The following ADAMTSL1 variants were observed in gnomAD, a reference collection of about 807,000 sequenced individuals.
The protein encoded by ADAMTSL1 is ADAMTS like 1.
A neutral mutation model predicts 201.8 loss-of-function variants in ADAMTSL1; 126 were observed. That is an observed-to-expected ratio of 0.62 (90% CI 0.54 to 0.72). The LOEUF (loss-of-function observed/expected upper bound fraction) is 0.72. ADAMTSL1 is among the 30% of genes least tolerant of loss of function. The probability of loss-of-function intolerance (pLI) is 0.00; values close to 1 mark genes in which losing one functional copy is unlikely to be tolerated. For synonymous variants in ADAMTSL1, 1,121 were observed against 903.4 expected (o/e 1.24, Z -4.32); for missense variants, 2,679 against 2,277.8 (o/e 1.18, Z -3.59).
At chr9:18,171,928 A>G (rs1034940000) in intron 2 of ADAMTSL1, among the ~76,000 whole-genome samples, 1 of 152,066 alleles carries the variant, frequency 6.6e-6, no homozygotes, top group South Asian at 2.1e-4. Flanking sequence ...ACCATTTATT[A>G]AATAGGGAAT....
At chr9:18,536,990 A>G (rs1366965550) in intron 3 of ADAMTSL1, among the ~76,000 whole-genome samples, 1 of 152,182 alleles carries the variant, frequency 6.6e-6, no homozygotes, top group Non-Finnish European at 1.5e-5. Context: ...GACCATAATT[A>G]GCAACATAAT....
chr9:18,460,321 C>T (rs565644245), intron 2 of ADAMTSL1, among the ~76,000 whole-genome samples: 53 of 152,274 alleles, frequency 3.5e-4, no homozygotes, highest in African/African-American at 1.2e-3. Flanking sequence ...CCCAACTCCA[C>T]GGCGAAATCC....
chr9:18,383,651 G>A (rs1432605201), intron 2 of ADAMTSL1, among the ~76,000 whole-genome samples: 1 of 152,150 alleles, frequency 6.6e-6, no homozygotes, highest in African/African-American at 2.4e-5. Flanking sequence ...TTGGACTAAG[G>A]TTAGATCCTG....
At chr9:18,696,550 G>A (rs968841064) in intron 13 of ADAMTSL1, among the ~76,000 whole-genome samples, 3 of 152,170 alleles carry the variant, frequency 2.0e-5, no homozygotes, top group Non-Finnish European at 4.4e-5. Context: ...AGGTCAGTAA[G>A]GAGTGACAGA....
At chr9:18,616,671 C>G (rs1242949615) in intron 4 of ADAMTSL1, among the ~76,000 whole-genome samples, 1 of 151,952 alleles carries the variant, frequency 6.6e-6, no homozygotes, top group Non-Finnish European at 1.5e-5. Flanking sequence ...CAGATGTGAC[C>G]TCCCCCCACC....
At chr9:18,473,275 G>C (rs192583812), upstream of ADAMTSL1, among the ~76,000 whole-genome samples, 1 of 152,108 alleles carries the variant, frequency 6.6e-6, no homozygotes, top group African/African-American at 2.4e-5. Flanking sequence ...TTTCTCTCCC[G>C]TGGCTAAAAT....
chr9:18,043,257 G>C (rs1344147770), intron 1 of ADAMTSL1, among the ~76,000 whole-genome samples: 2 of 152,090 alleles, frequency 1.3e-5, no homozygotes, highest in African/African-American at 4.8e-5. Flanking sequence ...CATCAGCCAG[G>C]ATTAGGAACT....
chr9:18,624,887 A>AC (rs1474047992), intron 5 of ADAMTSL1, among the ~76,000 whole-genome samples: 1 of 152,206 alleles, frequency 6.6e-6, no homozygotes, highest in African/African-American at 2.4e-5. Context: ...TACTGACAAA[A>AC]TGGAATTGAT....
At chr9:18,808,392 T>C (rs1175320885) in intron 20 of ADAMTSL1, among the ~76,000 whole-genome samples, 1 of 152,218 alleles carries the variant, frequency 6.6e-6, no homozygotes, top group Non-Finnish European at 1.5e-5. Flanking sequence ...GTGCTTTGTC[T>C]TAACAATGGA....
intron 1 of ADAMTSL1, among the ~76,000 whole-genome samples, chr9:18,143,066 T>G (rs893420440): frequency 6.6e-6 from 1 of 152,186 alleles, no homozygotes; most frequent in Non-Finnish European, 1.5e-5. Context: ...TTCACTCCAA[T>G]GCTAACAGGG....
At chr9:17,923,641 G>A (rs1240405599) in intron 1 of ADAMTSL1, among the ~76,000 whole-genome samples, 2 of 103,212 alleles carry the variant, frequency 1.9e-5, no homozygotes, top group African/African-American at 7.3e-5. Context: ...AATTGCCCTG[G>A]CCAGAACTTC....
intron 2 of ADAMTSL1, among the ~76,000 whole-genome samples, chr9:18,515,327 G>T (rs1053168513): frequency 6.6e-6 from 1 of 152,098 alleles, no homozygotes; most frequent in Non-Finnish European, 1.5e-5. Flanking sequence ...AAGAAAAGAA[G>T]AATTTTTGTT....
intron 3 of ADAMTSL1, among the ~76,000 whole-genome samples, chr9:18,545,261 G>C (rs959843663): frequency 6.6e-6 from 1 of 152,084 alleles, no homozygotes; most frequent in African/African-American, 2.4e-5. Context: ...AAGGAAATTG[G>C]AACATTTAAA....
At chr9:18,281,744 CT>C (rs1312957314) in intron 2 of ADAMTSL1, among the ~76,000 whole-genome samples, 1 of 152,058 alleles carries the variant, frequency 6.6e-6, no homozygotes, top group African/African-American at 2.4e-5. Context: ...TAATATTTAA[CT>C]TTTTCTCCAC....
chr9:18,558,188 T>C (rs1821225104), intron 3 of ADAMTSL1, among the ~76,000 whole-genome samples: 1 of 152,124 alleles, frequency 6.6e-6, no homozygotes, highest in Non-Finnish European at 1.5e-5. Flanking sequence ...GGCCCCAGTG[T>C]GTGACGTTCC....
At chr9:18,726,553 AC>A (rs1192312111) in intron 15 of ADAMTSL1, among the ~76,000 whole-genome samples, 6 of 152,036 alleles carry the variant, frequency 3.9e-5, no homozygotes, top group African/African-American at 1.5e-4. Context: ...TCCCTGGTTT[AC>A]AATAGCAATG....
chr9:18,858,263 C>G (rs891171848), intron 23 of ADAMTSL1, among the ~76,000 whole-genome samples: 1 of 152,138 alleles, frequency 6.6e-6, no homozygotes, highest in Non-Finnish European at 1.5e-5. Context: ...ATCAAGCCCT[C>G]CATATAAACA....
At chr9:18,284,318 C>T (rs1251035706) in intron 2 of ADAMTSL1, among the ~76,000 whole-genome samples, 3 of 151,978 alleles carry the variant, frequency 2.0e-5, no homozygotes, top group Admixed American at 1.3e-4. Flanking sequence ...TTATTTTCCC[C>T]CTTTCTATTC....
intron 20 of ADAMTSL1, among the ~76,000 whole-genome samples, chr9:18,801,439 G>A (rs1161869577): frequency 1.3e-5 from 2 of 152,138 alleles, no homozygotes; most frequent in Non-Finnish European, 2.9e-5. Flanking sequence ...GTAAACTCAT[G>A]TCACAGGGAT....
Sources: gnomAD v4.1 joint callset for allele counts (sites outside exome capture counted in the v4.1 genomes callset) on GRCh38, gnomAD v4.1.1 for gene constraint, MANE v1.5 for transcripts, NCBI Gene and HGNC (gene_info 2026-07-23, HGNC 2026-07-21) for gene names.